The following PTPRN variants were observed in gnomAD, a reference collection of about 807,000 sequenced individuals.
PTPRN encodes the protein receptor-type tyrosine-protein phosphatase-like N.
PTPRN carries 70 observed loss-of-function variants against 108.5 expected under a neutral mutation model. The observed-to-expected ratio is 0.65, with a 90% confidence interval of 0.53 to 0.79. The LOEUF is 0.79. Among genes scored for constraint, PTPRN ranks in the 30% least tolerant of loss-of-function variants. The pLI, the probability that PTPRN is intolerant of heterozygous loss-of-function variation, is 0.00. For missense variants in PTPRN, 1,136 were observed against 1,295.5 expected (o/e 0.88, Z 1.89); for synonymous variants, 496 against 524.6 (o/e 0.95, Z 0.75).
At position 219,290,576 on chromosome 2, in the gene PTPRN, G is replaced by T; in HGVS notation, c.2830C>A (p.His944Asn). The change falls in exon 22 of 23, where the codon CAT (histidine) becomes AAT (asparagine). Residue 944 changes from histidine to asparagine, a missense_variant. By Grantham distance (68) the His-to-Asn change is moderately conservative. Transcript: ENST00000295718. This position sits in a 1 kb window ranked among gnomAD's most constrained non-coding sequence, Gnocchi z 4.2. ...KEIDIAATLE[H>N]VRDQRPGLVR... is the part of the protein sequence containing the mutation. ...AGGCCAGGCCGCTGGTCACGGACAT[G>T]CTCCAGGGTGGCAGCGATGTCAATC... 1 of 1,551,820 alleles carries T rather than the reference G, an allele frequency of 6.4e-7. No individual in the cohort carries two copies.
intron 19 of PTPRN, chr2:219,292,940 A>C (rs1323613874): frequency 6.6e-6 from 1 of 152,190 alleles, no homozygotes; most frequent in East Asian, 1.9e-4. Flanking sequence ...GAGGGGGAAC[A>C]GTTTCATCCT....
At chr2:219,295,181 C>T (rs780226619) in intron 18 of PTPRN, 40 bp from the exon 19 acceptor site, 3 of 1,589,238 alleles carry the variant, frequency 1.9e-6, no homozygotes, top group Non-Finnish European at 2.6e-6. Context: ...CGCGGGCTGC[C>T]CCAGTCCCCG....
rs566635722 is a variant in PTPRN, at chr2:219,301,574, G to A, written c.1126+14C>T. ...CCGGGAGATATTGGTCCCTCCCTCTGCCTGGACACTTACCCGGATTTCTTC... is the reference window on the plus strand; with the variant it reads ...CCGGGAGATATTGGTCCCTCCCTCTACCTGGACACTTACCCGGATTTCTTC... On this transcript the variant is annotated intron_variant, in intron 7 of 22. Transcript: ENST00000295718. 1.2e-6 allele frequency: 2 copies of A among 1,600,678 alleles called. No individual in the cohort carries two copies. The highest frequency in any genetic ancestry group is 1.7e-4 in the Middle Eastern group (1 of 6,026).
Position 219,302,285 on chromosome 2 carries a change from G to C in PTPRN, c.846C>G (p.Ala282=). The change falls in exon 6 of 23, where the codon GCC becomes GCG. Residue 282 remains alanine, a synonymous_variant. Coordinates refer to ENST00000295718, the MANE Select transcript of PTPRN (RefSeq NM_002846.4). ...CCCTGCTGGGTGCTGGCAACTCCTG[G>C]GCCAGATAGAGCAGCCCAGAGTCTT... ...LFQDSGLLYL[A]QELPAPSRAR... The C allele has an allele frequency of 6.2e-7, 1 of 1,614,156 alleles. No individual in the cohort carries two copies. The highest frequency in any genetic ancestry group is 8.5e-7 in the Non-Finnish European group (1 of 1,180,018).
intron 9 of PTPRN, 83 bp from the exon 10 acceptor site, chr2:219,299,869 G>T: frequency 6.4e-7 from 1 of 1,560,856 alleles, no homozygotes; most frequent in South Asian, 1.2e-5. Context: ...CAGGGGTACA[G>T]AGCAGCCTGC....
chr2:219,306,188 C>CA (rs938809693), intron 3 of PTPRN, among the ~76,000 whole-genome samples: 6 of 151,982 alleles, frequency 3.9e-5, no homozygotes, highest in Admixed American at 3.9e-4. Context: ...AAAATAAACC[C>CA]AAAAAAACTT....
In PTPRN at chr2:219,297,515, G is replaced by T. The variant is rs1230872464; in HGVS notation, c.1888-82C>A. On this transcript the variant is annotated intron_variant, in intron 13 of 22. Coordinates refer to ENST00000295718, the MANE Select transcript of PTPRN (RefSeq NM_002846.4). This position sits in a 1 kb window ranked among gnomAD's most constrained non-coding sequence, Gnocchi z 6.0. Reference sequence around the variant, plus strand: ...CCTGGGTTCAACTCTGGGCTCCTAGGCTTGCCCTTGACTGATTTTCAGTGG... The same window carrying T: ...CCTGGGTTCAACTCTGGGCTCCTAGTCTTGCCCTTGACTGATTTTCAGTGG... 4.4e-6 allele frequency: 6 copies of T among 1,363,990 alleles called. No individual in the cohort carries two copies. The highest frequency in any genetic ancestry group is 6.1e-6 in the Non-Finnish European group (6 of 977,724). The allele number at this position is 1,363,990 out of a possible 1,614,324, so 84.5% of individuals were successfully genotyped here.
rs745738743 is a variant in PTPRN at position 219,300,997 on chromosome 2, A to G, written c.1127-20T>C. On this transcript the variant is annotated intron_variant, in intron 7 of 22. Transcript: ENST00000295718. The stretch of plus-strand genomic sequence containing the variant: ...CCCCTCCTGCGAGACAGGAAAAACA[A>G]GAGTCTGGAAAAATGGCCATGGCCA... The G allele has an allele frequency of 1.9e-6, 3 of 1,614,116 alleles. No homozygotes were observed. The highest frequency in any genetic ancestry group is 1.7e-6 in the Non-Finnish European group (2 of 1,179,972).
chr2:219,307,976 G>C lies in PTPRN; in HGVS notation c.116-134C>G. 5 of 838,446 alleles carry C rather than the reference G, an allele frequency of 6.0e-6. No individual in the cohort carries two copies. In the South Asian group the frequency reaches 8.0e-5, roughly 13 times the overall value. 51.9% of individuals were successfully genotyped at this position (838,446 alleles called of 1,614,324 possible). On this transcript the variant is annotated intron_variant, in intron 1 of 22. Transcript: ENST00000295718. ...TAAAGAAGGCCTTAAGCTGGGAGGA[G>C]AGTAGGAATCAGGCCTGAATTTCTT...
rs763835393 is a variant in PTPRN at position 219,307,514 on chromosome 2, C to T, written c.210G>A (p.Arg70=). The change falls in exon 3 of 23, where the codon CGG becomes CGA. Residue 70 remains arginine, a synonymous_variant. Transcript: ENST00000295718. ...GQCQVGVGQA[R]PLLQVTSPVL... is the part of the protein sequence containing the mutation. ...CTGGGGAGGTGACTTGCAAAAGGGG[C>T]CGGGCCTGCCCCACTCCCACCTGGC... is the stretch of plus-strand genomic sequence containing the variant. 1.1e-5 allele frequency: 17 copies of T among 1,614,030 alleles called. No homozygotes were observed. Among genetic ancestry groups the T allele is most frequent in the Non-Finnish European group, 1.3e-5 (15 of 1,180,032 alleles).
At chr2:219,299,264 G>C in intron 11 of PTPRN, 41 bp downstream of exon 11, 2 of 1,608,418 alleles carry the variant, frequency 1.2e-6, no homozygotes, top group Non-Finnish European at 1.7e-6. Flanking sequence ...TAGGAGTGGG[G>C]CTGGGGCCAA....
chr2:219,300,383 G>T, intron 8 of PTPRN, 124 bp from the exon 9 acceptor site: 2 of 1,014,226 alleles, frequency 2.0e-6, no homozygotes, highest in Non-Finnish European at 2.8e-6. Context: ...AGGGACCACT[G>T]CAGTGCTGGG....
rs1386075871 is a variant in PTPRN at position 219,306,716 on chromosome 2, G to C, written c.280+728C>G. Among the ~76,000 whole-genome samples, 8 of 152,192 alleles carry C rather than the reference G, an allele frequency of 5.3e-5. No individual in the cohort carries two copies. The East Asian group carries it at 1.5e-3, about 29-fold the overall frequency. On this transcript the variant is annotated intron_variant, in intron 3 of 22. Coordinates refer to ENST00000295718, the MANE Select transcript of PTPRN (RefSeq NM_002846.4). ...TCTTCTACAGTCCCCTGGCCTCCAT[G>C]GTGCTCTTCAGAATTGTGCTTTTGT...
rs113614071 is a variant in PTPRN at position 219,300,260 on chromosome 2, C to T, written c.1162-1G>A. On this transcript the variant is annotated splice_acceptor_variant, in intron 8 of 22. Transcript: ENST00000295718. LOFTEE classifies it high-confidence loss of function. ...TGCCCTCCACCGGCCCCTCCATTGT[C>T]TGTTCAGAAGAGGGTGGAGGTGTGG... 6.4e-7 allele frequency: 1 copy of T among 1,562,934 alleles called. No individual in the cohort carries two copies. The highest frequency in any genetic ancestry group is 8.7e-7 in the Non-Finnish European group (1 of 1,153,106).
chr2:219,297,776 A>G lies in PTPRN; in HGVS notation c.1887+109T>C, dbSNP rs1952237419. On this transcript the variant is annotated intron_variant, in intron 13 of 22. Coordinates refer to ENST00000295718, the MANE Select transcript of PTPRN (RefSeq NM_002846.4). The surrounding 1 kb of genome is among the most constrained non-coding windows in gnomAD (Gnocchi z 6.0). ...TCTCCAGCCTCCACTGGACCTTCCC[A>G]GGGATGAGGGCTCACTCCCCATTCA... The G allele has an allele frequency of 7.6e-7, 1 of 1,310,980 alleles. No homozygotes were observed. Among genetic ancestry groups the G allele is most frequent in the East Asian group, 2.5e-5 (1 of 39,616 alleles). 81.2% of individuals were successfully genotyped at this position (1,310,980 alleles called of 1,614,324 possible).
intron 3 of PTPRN, among the ~76,000 whole-genome samples, chr2:219,306,011 A>G (rs945619998): frequency 6.6e-6 from 1 of 152,072 alleles, no homozygotes; most frequent in Admixed American, 6.6e-5. Context: ...TTAGCCAGGC[A>G]TGGTGGCGCG....
At position 219,295,068 on chromosome 2, in the gene PTPRN, G is replaced by GT; in HGVS notation, c.2581dup (p.Thr861AsnfsTer51). ...CTGCGTGAGCGTGCGCGTCTCCTGG[G>GT]TCTGCACGTTCTTCAGGTAGAAGCT... On this transcript the variant is annotated frameshift_variant, in exon 19 of 23. Coordinates refer to ENST00000295718, the MANE Select transcript of PTPRN (RefSeq NM_002846.4). LOFTEE classifies it high-confidence loss of function. The GT allele has an allele frequency of 6.2e-7, 1 of 1,613,636 alleles. No homozygotes were observed. Among genetic ancestry groups the GT allele is most frequent in the Non-Finnish European group, 8.5e-7 (1 of 1,179,694 alleles).
At position 219,290,127 on chromosome 2, in the gene PTPRN, A is replaced by G. The variant is rs1952019890; in HGVS notation, c.*99T>C. ...TTCTAGGAAGGGCTGAGCATGCCCA[A>G]GAGGTGGCTGGTGGGGCAGTGAGGA... On this transcript the variant is annotated 3_prime_UTR_variant, in exon 23 of 23. Coordinates refer to ENST00000295718, the MANE Select transcript of PTPRN (RefSeq NM_002846.4). This position sits in a 1 kb window ranked among gnomAD's most constrained non-coding sequence, Gnocchi z 4.2. 1.0e-5 allele frequency: 12 copies of G among 1,147,492 alleles called. No individual in the cohort carries two copies. The highest frequency in any genetic ancestry group is 1.3e-5 in the Non-Finnish European group (10 of 767,364). The allele number at this position is 1,147,492 out of a possible 1,614,324, so 71.1% of individuals were successfully genotyped here.
chr2:219,302,474 G>A lies in PTPRN; in HGVS notation c.657C>T (p.Gly219=), dbSNP rs1396650389. ...YLFHQFGSRD[G]SRVSEGSPGM... ...CTGGGGAGCCCTCTGAGACCCTGGA[G>A]CCATCACGGGAGCCAAACTGTGGAA... The change falls in exon 6 of 23, where the codon GGC becomes GGT. Residue 219 remains glycine, a synonymous_variant. Coordinates refer to ENST00000295718, the MANE Select transcript of PTPRN (RefSeq NM_002846.4). 1.2e-6 allele frequency: 2 copies of A among 1,613,908 alleles called. No homozygotes were observed. The highest frequency in any genetic ancestry group is 1.7e-6 in the Non-Finnish European group (2 of 1,179,892).
Sources: allele counts gnomAD v4.1 joint callset (sites outside exome capture counted in the v4.1 genomes callset), GRCh38; gene constraint gnomAD v4.1.1; non-coding constraint Gnocchi (gnomAD v3.1); transcripts MANE v1.5; gene names NCBI Gene and HGNC (gene_info 2026-07-23, HGNC 2026-07-21).